The following SMARCAL1 variants were observed in gnomAD, a reference collection of about 807,000 sequenced individuals.
SMARCAL1 encodes ATP-driven annealing helicase.
A neutral mutation model predicts 94.5 loss-of-function variants in SMARCAL1; 58 were observed. The observed-to-expected ratio is 0.61, with a 90% CI of 0.50 to 0.76. The LOEUF is 0.76. Ranked by LOEUF, SMARCAL1 falls within the 30% of genes least tolerant of loss-of-function variation. The pLI, the probability that SMARCAL1 is intolerant of heterozygous loss-of-function variation, is 0.00. For missense variants in SMARCAL1, 1,051 were observed against 1,177.9 expected (o/e 0.89, Z 1.58); for synonymous variants, 422 against 455.1 (o/e 0.93, Z 0.93).
chr2:216,463,315 G>T (rs1249056822), intron 12 of SMARCAL1, among the ~76,000 whole-genome samples: 1 of 152,152 alleles, frequency 6.6e-6, no homozygotes, highest in Admixed American at 6.5e-5. Context: ...TCTATAAACA[G>T]AAATGTATTG....
chr2:216,459,390 C>G (rs1373136005), intron 12 of SMARCAL1, among the ~76,000 whole-genome samples: 2 of 152,102 alleles, frequency 1.3e-5, no homozygotes, highest in Non-Finnish European at 2.9e-5. Flanking sequence ...AATCCTAAGC[C>G]AAAAGAACAA....
intron 11 of SMARCAL1, among the ~76,000 whole-genome samples, 200 bp from the exon 12 acceptor site, chr2:216,450,646 A>C (rs969869921): frequency 6.6e-6 from 1 of 152,118 alleles, no homozygotes; most frequent in Non-Finnish European, 1.5e-5. Context: ...TATTCATCTC[A>C]TTCCTGACTT....
At chr2:216,420,229 TG>T (rs1693686708) in intron 4 of SMARCAL1, 69 bp from the exon 5 acceptor site, 2 of 1,262,922 alleles carry the variant, frequency 1.6e-6, no homozygotes, top group Admixed American at 3.9e-5. Flanking sequence ...CCTCTTCCCT[TG>T]CCTGTATTTC....
rs901476497 is a variant in SMARCAL1, at chr2:216,414,331, A to G, written c.-58-316A>G. On this transcript the variant is annotated intron_variant, in intron 2 of 17. Coordinates refer to ENST00000357276, the MANE Select transcript of SMARCAL1 (RefSeq NM_014140.4). The stretch of plus-strand genomic sequence containing the variant: ...CACCACCACGCCTGGCTAATTTTGT[A>G]TTTTTAGTAGAGATGGGGTTTCACC... The G allele has an allele frequency of 1.9e-5, 5 of 256,968 alleles. No homozygotes were observed. In the Admixed American group the frequency reaches 2.6e-4, roughly 13 times the overall value. The allele number at this position is 256,968 out of a possible 1,614,324, so 15.9% of individuals were successfully genotyped here.
At chr2:216,449,907 G>C (rs943159060) in intron 11 of SMARCAL1, among the ~76,000 whole-genome samples, 4 of 151,542 alleles carry the variant, frequency 2.6e-5, no homozygotes, top group Non-Finnish European at 5.9e-5. Context: ...ACACCATCTC[G>C]GCTCACTGCA....
In SMARCAL1 at chr2:216,416,240, CCT is replaced by C. The variant is rs764741130; in HGVS notation, c.812-14_812-13del. 12 of 1,611,754 alleles carry C rather than the reference CCT, an allele frequency of 7.4e-6. 1 individual carries two copies. The South Asian group carries it at 1.3e-4, about 18-fold the overall frequency. On this transcript the variant is annotated splice_polypyrimidine_tract_variant and intron_variant, in intron 3 of 17. Transcript: ENST00000357276. ...GTACAAATTGTCAACAGTCATCAGT[CCT>C]CTGTTTTGTTTCAGATCCTGACACC...
At position 216,482,804 on chromosome 2, in the gene SMARCAL1, G is replaced by A. The variant is rs972374690; in HGVS notation, c.2692G>A (p.Glu898Lys). ...KSFEKEGSDM[E>K]LLEAAESFDP... ...CTTTGAGAAAGAAGGAAGTGATATGGAGCTCCTGGAAGCAGCAGAGTCCTT... is the reference window on the plus strand; with the variant it reads ...CTTTGAGAAAGAAGGAAGTGATATGAAGCTCCTGGAAGCAGCAGAGTCCTT... The change falls in exon 18 of 18, where the codon GAG becomes AAG. Residue 898 changes from glutamate to lysine, a missense_variant. By Grantham distance (56) the Glu-to-Lys change is moderately conservative (BLOSUM62 1). Coordinates refer to ENST00000357276, the MANE Select transcript of SMARCAL1 (RefSeq NM_014140.4). This position sits in a 1 kb window ranked among gnomAD's most constrained non-coding sequence, Gnocchi z 4.3. 8.1e-6 allele frequency: 13 copies of A among 1,614,038 alleles called. No individual in the cohort carries two copies. Among genetic ancestry groups the A allele is most frequent in the Non-Finnish European group, 1.0e-5 (12 of 1,180,026 alleles).
chr2:216,431,959 T>G (rs1363387151), intron 7 of SMARCAL1, among the ~76,000 whole-genome samples: 1 of 152,180 alleles, frequency 6.6e-6, no homozygotes, highest in African/African-American at 2.4e-5. Context: ...GCATACTGAG[T>G]ACTCTCTGAT....
Position 216,428,697 on chromosome 2 carries a change from A to C in SMARCAL1, c.1249A>C (p.Thr417Pro). The part of the protein sequence containing the change: ...SQLKKTSLSL[T>P]PDVPEADLSE... The stretch of plus-strand genomic sequence containing the variant: ...GCTCAAGAAGACATCTCTCAGTCTC[A>C]CGCCAGATGTCCCAGAGGCAGACCT... Residue 417 changes from threonine (T) to proline (P), a missense_variant, in exon 7 of 18, where the codon ACG (threonine) becomes CCG (proline). Physicochemically the swap from Thr to Pro is conservative, Grantham distance 38. Around this residue, in one of 3 missense-constraint regions of SMARCAL1, gnomAD observed 642 missense variants for 754.7 expected, o/e 0.85. Transcript: ENST00000357276. The C allele has an allele frequency of 6.2e-7, 1 of 1,614,142 alleles. No individual in the cohort carries two copies. The highest frequency in any genetic ancestry group is 8.5e-7 in the Non-Finnish European group (1 of 1,179,982).
rs773940970 is a variant in SMARCAL1 at position 216,428,747 on chromosome 2, G to A, written c.1299G>A (p.Val433=). Residue 433 remains valine (V), a synonymous_variant, in exon 7 of 18, where the codon GTG becomes GTA. Coordinates refer to ENST00000357276, the MANE Select transcript of SMARCAL1 (RefSeq NM_014140.4). ...ADLSEVDPKL[V]SNLMPFQRAG... is the part of the protein sequence containing the mutation. ...TTTCTGAAGTGGACCCCAAGCTCGT[G>A]TCTAATCTGATGCCCTTTCAGAGAG... is the stretch of plus-strand genomic sequence containing the variant. 27 of 1,614,106 alleles carry A rather than the reference G, an allele frequency of 1.7e-5. No homozygotes were observed. The African/African-American group carries it at 3.1e-4, about 18-fold the overall frequency.
At chr2:216,446,675 T>A (rs1694321638) in intron 10 of SMARCAL1, 1 of 481,872 alleles carries the variant, frequency 2.1e-6, no homozygotes, top group South Asian at 1.5e-5. Flanking sequence ...ACGGTGAACA[T>A]TTATTGGTTA....
chr2:216,464,793 G>T, intron 13 of SMARCAL1, 126 bp downstream of exon 13: 1 of 756,706 alleles, frequency 1.3e-6, no homozygotes, highest in Non-Finnish European at 2.3e-6. Context: ...TATTAAATGT[G>T]CCTTTTGTTG....
At chr2:216,424,653 A>C (rs1693792425) in intron 6 of SMARCAL1, among the ~76,000 whole-genome samples, 2 of 151,764 alleles carry the variant, frequency 1.3e-5, no homozygotes, top group South Asian at 4.1e-4. Flanking sequence ...TAAATAATTA[A>C]ACATTCTGGG....
chr2:216,477,565 C>G (rs1695113258), intron 16 of SMARCAL1, among the ~76,000 whole-genome samples: 1 of 152,144 alleles, frequency 6.6e-6, no homozygotes, highest in Non-Finnish European at 1.5e-5. Context: ...GACAGGGTGA[C>G]AGTCTTTTAC....
At chr2:216,424,319 G>A (rs1310234429) in intron 6 of SMARCAL1, among the ~76,000 whole-genome samples, 12 of 152,156 alleles carry the variant, frequency 7.9e-5, no homozygotes, top group Non-Finnish European at 1.8e-4. Flanking sequence ...TAATATGCCT[G>A]GAAAAAGGAA....
chr2:216,455,250 C>T (rs1694538881), intron 12 of SMARCAL1, among the ~76,000 whole-genome samples: 1 of 152,218 alleles, frequency 6.6e-6, no homozygotes, highest in South Asian at 2.1e-4. Flanking sequence ...GGCCTGCCTG[C>T]CTCTGTAGAC....
At chr2:216,477,252 G>A (rs763182078) in intron 16 of SMARCAL1, 43 bp downstream of exon 16, 17 of 1,340,676 alleles carry the variant, frequency 1.3e-5, no homozygotes, top group Non-Finnish European at 1.8e-5. Context: ...GTCGAGCAAG[G>A]GTGGAAACTG....
chr2:216,460,505 T>C (rs1694671272), intron 12 of SMARCAL1, among the ~76,000 whole-genome samples: 1 of 152,062 alleles, frequency 6.6e-6, no homozygotes, highest in African/African-American at 2.4e-5. Flanking sequence ...ACTATGCAGC[T>C]ATGAGAAATG....
intron 5 of SMARCAL1, among the ~76,000 whole-genome samples, chr2:216,421,458 G>A (rs1301348703): frequency 1.3e-5 from 2 of 152,024 alleles, no homozygotes; most frequent in Non-Finnish European, 2.9e-5. Context: ...CCACCACACT[G>A]GGCTAATTTT....
Sources: gnomAD v4.1 joint callset for allele counts (sites outside exome capture counted in the v4.1 genomes callset) on GRCh38, gnomAD v4.1.1 for gene constraint, gnomAD v4.1.1 regional missense constraint, Gnocchi (gnomAD v3.1) non-coding constraint, MANE v1.5 for transcripts, NCBI Gene and HGNC (gene_info 2026-07-23, HGNC 2026-07-21) for gene names.